PRKD1: variants seen among roughly 807,000 people sequenced by gnomAD.
PRKD1 encodes the protein protein kinase D1, also known as serine/threonine-protein kinase D1.
Under a neutral mutation model 95.9 loss-of-function variants are expected in PRKD1, and 63 were observed. The observed-to-expected ratio is 0.66, with a 90% CI of 0.54 to 0.81. PRKD1 has a LOEUF of 0.81. PRKD1 is among the 30% of genes least tolerant of loss of function. The pLI is 0.00. For synonymous variants in PRKD1, 425 were observed against 423.1 expected (o/e 1.00, Z -0.05); for missense variants, 1,048 against 1,165.3 (o/e 0.90, Z 1.47).
At chr14:29,860,290 T>C (rs1202369605) in intron 1 of PRKD1, among the ~76,000 whole-genome samples, 1 of 152,210 alleles carries the variant, frequency 6.6e-6, no homozygotes, top group Admixed American at 6.5e-5. Flanking sequence ...AAAAGTTCTA[T>C]TGCAGCAAGC....
intron 2 of PRKD1, among the ~76,000 whole-genome samples, chr14:29,694,641 T>C (rs1884415184): frequency 6.6e-6 from 1 of 152,050 alleles, no homozygotes; most frequent in South Asian, 2.1e-4. Context: ...TGTAGTATGT[T>C]AGGTAGTGAT....
intron 16 of PRKD1, among the ~76,000 whole-genome samples, chr14:29,595,330 C>T (rs1269097862): frequency 6.6e-6 from 1 of 152,182 alleles, no homozygotes; most frequent in Non-Finnish European, 1.5e-5. Context: ...GGAGTCCTAA[C>T]TGGTAAAGTC....
At chr14:29,591,355 A>T (rs1225114346) in intron 16 of PRKD1, 1 of 152,198 alleles carries the variant, frequency 6.6e-6, no homozygotes, top group East Asian at 1.9e-4. Context: ...AAATGATTTT[A>T]TAAATTTTAT....
At chr14:29,838,061 T>C (rs1891680059) in intron 1 of PRKD1, among the ~76,000 whole-genome samples, 1 of 152,194 alleles carries the variant, frequency 6.6e-6, no homozygotes, top group African/African-American at 2.4e-5. Flanking sequence ...CTCCCCCTGT[T>C]TGCATTCACA....
At chr14:29,766,943 G>A (rs1888285003) in intron 1 of PRKD1, among the ~76,000 whole-genome samples, 1 of 152,112 alleles carries the variant, frequency 6.6e-6, no homozygotes, top group African/African-American at 2.4e-5. Context: ...AAATTCTACT[G>A]AAGGTTAGGA....
In PRKD1 at chr14:29,667,324, G is replaced by T. The variant is rs540173582; in HGVS notation, c.404-1116C>A. Among the ~76,000 whole-genome samples the T allele has an allele frequency of 5.3e-5, 8 of 152,296 alleles. No individual in the cohort carries two copies. The East Asian group carries it at 1.5e-3, about 29-fold the overall frequency. On this transcript the variant is annotated intron_variant, in intron 2 of 17. Transcript: ENST00000331968. ...AAAATTTAAACTTCCATTAATGTAAGAACAGAACCATATGAACTTAACTTT... is the reference window on the plus strand; with the variant it reads ...AAAATTTAAACTTCCATTAATGTAATAACAGAACCATATGAACTTAACTTT...
chr14:29,774,423 G>C (rs1366954733), intron 1 of PRKD1, among the ~76,000 whole-genome samples: 3 of 152,142 alleles, frequency 2.0e-5, no homozygotes, highest in Non-Finnish European at 4.4e-5. Context: ...GGAAAAGGAA[G>C]GGGAGGAAAT....
chr14:29,858,849 G>GA (rs144245240), intron 1 of PRKD1, among the ~76,000 whole-genome samples: 6 of 151,912 alleles, frequency 3.9e-5, no homozygotes, highest in Non-Finnish European at 5.9e-5. Context: ...CTGCTATTTA[G>GA]AAAAAATGCT....
At chr14:29,599,531 A>T in intron 14 of PRKD1, 125 bp downstream of exon 14, 1 of 887,416 alleles carries the variant, frequency 1.1e-6, no homozygotes, top group Non-Finnish European at 1.7e-6. Flanking sequence ...AGCCACTACA[A>T]CCTTTTCTAG....
chr14:29,646,329 G>A (rs1256363741), intron 4 of PRKD1, among the ~76,000 whole-genome samples: 1 of 152,094 alleles, frequency 6.6e-6, no homozygotes, highest in Non-Finnish European at 1.5e-5. Context: ...TATCACAACA[G>A]GGTGACTACA....
chr14:29,864,606 T>A (rs1478704931), intron 1 of PRKD1, among the ~76,000 whole-genome samples: 1 of 152,150 alleles, frequency 6.6e-6, no homozygotes, highest in Non-Finnish European at 1.5e-5. Flanking sequence ...ACATTCTAAA[T>A]GTTCCCTTCC....
At chr14:29,737,981 TA>T (rs1886807300) in intron 1 of PRKD1, among the ~76,000 whole-genome samples, 1 of 152,184 alleles carries the variant, frequency 6.6e-6, no homozygotes, top group African/African-American at 2.4e-5. Flanking sequence ...ATCACGTATG[TA>T]GCAATATAGT....
At chr14:29,622,119 C>T (rs774267217) in intron 13 of PRKD1, among the ~76,000 whole-genome samples, 1 of 152,098 alleles carries the variant, frequency 6.6e-6, no homozygotes, top group African/African-American at 2.4e-5. Flanking sequence ...AAGGAGTGCA[C>T]AACCAGAAGA....
intron 1 of PRKD1, among the ~76,000 whole-genome samples, chr14:29,833,156 C>T (rs968056174): frequency 2.0e-5 from 3 of 152,114 alleles, no homozygotes; most frequent in East Asian, 3.9e-4. Context: ...GGGTAAAAAA[C>T]AATCTAACTT....
intron 4 of PRKD1, among the ~76,000 whole-genome samples, chr14:29,659,027 T>A (rs544670003): frequency 2.0e-5 from 3 of 152,200 alleles, no homozygotes; most frequent in Non-Finnish European, 4.4e-5. Flanking sequence ...GTACAATTCA[T>A]ATGGAATAAA....
chr14:29,577,110 T>C lies in PRKD1; in HGVS notation c.*128A>G. Reference sequence around the variant, plus strand: ...CTTGGCAACTCAGATACATCAACAGTGCTAACAGTTTAACAGCTTTGTTCT... The same window carrying C: ...CTTGGCAACTCAGATACATCAACAGCGCTAACAGTTTAACAGCTTTGTTCT... On this transcript the variant is annotated 3_prime_UTR_variant, in exon 18 of 18. Coordinates refer to ENST00000331968, the MANE Select transcript of PRKD1 (RefSeq NM_002742.3). 2 of 959,842 alleles carry C rather than the reference T, an allele frequency of 2.1e-6. No homozygotes were observed. The highest frequency in any genetic ancestry group is 3.1e-6 in the Non-Finnish European group (2 of 636,702). The allele number at this position is 959,842 out of a possible 1,614,324, so 59.5% of individuals were successfully genotyped here.
chr14:29,855,205 TG>T (rs1892451130), intron 1 of PRKD1, among the ~76,000 whole-genome samples: 1 of 151,960 alleles, frequency 6.6e-6, no homozygotes, highest in South Asian at 2.1e-4. Context: ...ACTGTGCACC[TG>T]GAAAAGCCAC....
chr14:29,619,361 G>A (rs561640444), intron 13 of PRKD1, among the ~76,000 whole-genome samples: 1 of 152,170 alleles, frequency 6.6e-6, no homozygotes, highest in African/African-American at 2.4e-5. Flanking sequence ...TTTGCTACCT[G>A]GTTGGATACT....
At position 29,826,760 on chromosome 14, in the gene PRKD1, T is replaced by TATATAC. The variant is rs1891172460; in HGVS notation, c.264+100488_264+100489insGTATAT. Among the ~76,000 whole-genome samples the TATATAC allele has an allele frequency of 1.3e-4, 5 of 39,132 alleles. 1 individual carries two copies. Among genetic ancestry groups the TATATAC allele is most frequent in the African/African-American group, 2.9e-4 (3 of 10,398 alleles). The allele number at this position is 39,132 out of a possible 152,430, so 25.7% of individuals were successfully genotyped here. On this transcript the variant is annotated intron_variant, in intron 1 of 17. Coordinates refer to ENST00000331968, the MANE Select transcript of PRKD1 (RefSeq NM_002742.3). Reference sequence around the variant, plus strand: ...ATATATATACACATATATATATACATATATATATACACATATATATACATA... The same window carrying TATATAC: ...ATATATATACACATATATATATACATATATACATATATATACACATATATATACATA...
Sources: gnomAD v4.1 joint callset for allele counts (sites outside exome capture counted in the v4.1 genomes callset) on GRCh38, gnomAD v4.1.1 for gene constraint, MANE v1.5 for transcripts, NCBI Gene and HGNC (gene_info 2026-07-23, HGNC 2026-07-21) for gene names.